Variants in CHN2 observed in about 807,000 individuals in gnomAD.
CHN2 encodes beta-chimaerin.
A neutral mutation model predicts 56.3 loss-of-function variants in CHN2; 35 were observed. The observed-to-expected ratio is 0.62, with a 90% CI of 0.47 to 0.82. The LOEUF is 0.82. Among genes scored for constraint, CHN2 ranks in the 40% least tolerant of loss-of-function variants. The pLI is 0.00. For missense variants in CHN2, 491 were observed against 580.5 expected (o/e 0.85, Z 1.58); for synonymous variants, 210 against 212.8 (o/e 0.99, Z 0.12).
At chr7:29,294,620 A>G (rs985220052) in intron 1 of CHN2, among the ~76,000 whole-genome samples, 4 of 152,336 alleles carry the variant, frequency 2.6e-5, no homozygotes, top group Admixed American at 1.3e-4. Context: ...CAGAGGCATT[A>G]TAAGTGTAGA....
At chr7:29,450,508 C>A (rs1391005678) in intron 6 of CHN2, among the ~76,000 whole-genome samples, 1 of 152,116 alleles carries the variant, frequency 6.6e-6, no homozygotes, top group Non-Finnish European at 1.5e-5. Context: ...TTTGAAGATC[C>A]TGGGGTGGTG....
intron 6 of CHN2, among the ~76,000 whole-genome samples, chr7:29,443,540 C>T (rs1783825429): frequency 6.6e-6 from 1 of 152,214 alleles, no homozygotes; most frequent in Admixed American, 6.5e-5. Context: ...TACACACAGG[C>T]ACACATCTGT....
intron 1 of CHN2, among the ~76,000 whole-genome samples, chr7:29,221,535 A>C (rs1384534270): frequency 6.6e-6 from 1 of 152,108 alleles, no homozygotes; most frequent in African/African-American, 2.4e-5. Flanking sequence ...AACATGTGCC[A>C]TGGTGGTTTG....
intron 7 of CHN2, among the ~76,000 whole-genome samples, chr7:29,482,475 C>G (rs944487626): frequency 3.9e-5 from 6 of 152,070 alleles, no homozygotes; most frequent in Non-Finnish European, 8.8e-5. Context: ...GAAGAACATT[C>G]AAAAAGCAGG....
chr7:29,295,390 GGTATTTTCA>G (rs1793059837), intron 1 of CHN2, among the ~76,000 whole-genome samples: 1 of 148,076 alleles, frequency 6.8e-6, no homozygotes, highest in Non-Finnish European at 1.5e-5. Context: ...ATACTTTTTT[GGTATTTTCA>G]GCACCTAGAA....
At chr7:29,222,119 A>G (rs1326222311) in intron 1 of CHN2, among the ~76,000 whole-genome samples, 1 of 152,200 alleles carries the variant, frequency 6.6e-6, no homozygotes, top group Non-Finnish European at 1.5e-5. Context: ...CAATTGCTAC[A>G]AAAAGAATAA....
chr7:29,285,694 C>T (rs1026878217), intron 1 of CHN2, among the ~76,000 whole-genome samples: 1 of 152,326 alleles, frequency 6.6e-6, no homozygotes, highest in Admixed American at 6.5e-5. Context: ...TGAATACAGG[C>T]TTCACATTCA....
chr7:29,263,275 C>T (rs1433751066), intron 1 of CHN2, among the ~76,000 whole-genome samples: 1 of 152,246 alleles, frequency 6.6e-6, no homozygotes, highest in Non-Finnish European at 1.5e-5. Flanking sequence ...AGTGGTCTGC[C>T]CGCCTCGGCC....
At chr7:29,167,711 GA>G (rs1199937652) in intron 2 of CHN2, among the ~76,000 whole-genome samples, 2 of 152,068 alleles carry the variant, frequency 1.3e-5, no homozygotes, top group African/African-American at 4.8e-5. Context: ...CAATCTGATA[GA>G]AAAAAACTGG....
chr7:29,196,860 C>T (rs1450083840), intron 1 of CHN2, among the ~76,000 whole-genome samples: 1 of 152,152 alleles, frequency 6.6e-6, no homozygotes, highest in East Asian at 1.9e-4. Context: ...CTTTTTCCTG[C>T]TTTATTTACC....
At chr7:29,415,090 C>T (rs1270991097) in intron 6 of CHN2, among the ~76,000 whole-genome samples, 1 of 152,212 alleles carries the variant, frequency 6.6e-6, no homozygotes. Context: ...CATTGAGCCC[C>T]TAATCTGTGT....
At chr7:29,482,325 C>A (rs889818425) in intron 7 of CHN2, among the ~76,000 whole-genome samples, 3 of 152,196 alleles carry the variant, frequency 2.0e-5, no homozygotes, top group African/African-American at 4.8e-5. Flanking sequence ...TTCGATGGTA[C>A]TGTTGGTGCC....
At chr7:29,473,865 T>C (rs1786363824) in intron 6 of CHN2, among the ~76,000 whole-genome samples, 2 of 152,274 alleles carry the variant, frequency 1.3e-5, no homozygotes, top group Admixed American at 6.5e-5. Flanking sequence ...TCTCAATGGT[T>C]AAGAATTTAT....
intron 1 of CHN2, among the ~76,000 whole-genome samples, chr7:29,211,386 G>A (rs1784940973): frequency 6.6e-6 from 1 of 151,108 alleles, no homozygotes; most frequent in Admixed American, 6.6e-5. Flanking sequence ...CCCTGACTGA[G>A]GTTTTAACAG....
At chr7:29,458,509 C>G (rs1784932361) in intron 6 of CHN2, among the ~76,000 whole-genome samples, 1 of 152,116 alleles carries the variant, frequency 6.6e-6, no homozygotes, top group African/African-American at 2.4e-5. Context: ...ATGTGTCTCA[C>G]CCCTGCCCCC....
rs536879623 is a variant in CHN2 at position 29,392,946 on chromosome 7, G to A, written c.145-733G>A. Among the ~76,000 whole-genome samples, 48 of 152,310 alleles carry A rather than the reference G, an allele frequency of 3.2e-4. No homozygotes were observed. The South Asian group carries it at 6.8e-3, about 22-fold the overall frequency. On this transcript the variant is annotated intron_variant, in intron 3 of 12. Transcript: ENST00000222792. The stretch of plus-strand genomic sequence containing the variant: ...GAGTTAGGAGAGAAGAACAAAGGCC[G>A]AGCATGAGAAATCATGTCACTTTCT...
intron 1 of CHN2, among the ~76,000 whole-genome samples, chr7:29,316,129 C>G (rs1794939083): frequency 6.6e-6 from 1 of 152,180 alleles, no homozygotes; most frequent in Admixed American, 6.5e-5. Flanking sequence ...ACACCTCTTA[C>G]AGCTCTAAAG....
At chr7:29,268,283 A>AACACACACACACACACACACACACACAC (rs145638795) in intron 1 of CHN2, among the ~76,000 whole-genome samples, 12 of 134,242 alleles carry the variant, frequency 8.9e-5, no homozygotes, top group Non-Finnish European at 1.6e-4. Flanking sequence ...GCTTCACCAG[A>AACACACACACACACACACACACACACAC]ACACACACAC....
intron 1 of CHN2, among the ~76,000 whole-genome samples, chr7:29,248,462 G>C (rs372154243): frequency 6.6e-6 from 1 of 152,144 alleles, no homozygotes; most frequent in East Asian, 1.9e-4. Flanking sequence ...TGGGCCCTGC[G>C]TCTCACCCGG....
Sources: gnomAD v4.1 joint callset for allele counts (sites outside exome capture counted in the v4.1 genomes callset) on GRCh38, gnomAD v4.1.1 for gene constraint, MANE v1.5 for transcripts, NCBI Gene and HGNC (gene_info 2026-07-23, HGNC 2026-07-21) for gene names.